CYP4V2: variants seen among roughly 807,000 people sequenced by gnomAD.
CYP4V2 encodes the protein cytochrome P450 family 4 subfamily V member 2.
CYP4V2 carries 55 observed loss-of-function variants against 60.8 expected under a neutral mutation model. The ratio of observed to expected loss-of-function variants is 0.90; its 90% CI spans 0.73 to 1.13. The LOEUF (loss-of-function observed/expected upper bound fraction) is 1.13. Ranked by LOEUF, CYP4V2 falls within the 50% of genes most tolerant of loss-of-function variation. The pLI is 0.00. For missense variants in CYP4V2, 675 were observed against 662.9 expected (o/e 1.02, Z -0.20); for synonymous variants, 239 against 236.8 (o/e 1.01, Z -0.08).
intron 1 of CYP4V2, among the ~76,000 whole-genome samples, chr4:186,193,772 A>G (rs1162815174): frequency 1.3e-5 from 2 of 152,220 alleles, no homozygotes; most frequent in Non-Finnish European, 2.9e-5. Context: ...GTTCCCAAGA[A>G]TCTTGTCTTT....
At chr4:186,201,680 G>A in intron 7 of CYP4V2, 1 of 264,690 alleles carries the variant, frequency 3.8e-6, no homozygotes, top group Non-Finnish European at 7.3e-6. Context: ...TCCCAGACAT[G>A]CAAGTCCACT....
intron 10 of CYP4V2, among the ~76,000 whole-genome samples, chr4:186,209,749 G>A (rs1736647965): frequency 6.6e-6 from 1 of 152,158 alleles, no homozygotes; most frequent in Non-Finnish European, 1.5e-5. Context: ...TCGATTACCT[G>A]TCTCCAAATA....
chr4:186,193,985 C>T (rs1736067866), intron 1 of CYP4V2, among the ~76,000 whole-genome samples: 1 of 152,224 alleles, frequency 6.6e-6, no homozygotes, highest in Non-Finnish European at 1.5e-5. Context: ...ATTGAGACCT[C>T]CCTGTCCCCT....
intron 1 of CYP4V2, among the ~76,000 whole-genome samples, chr4:186,193,960 G>A (rs547261780): frequency 6.6e-6 from 1 of 152,330 alleles, no homozygotes; most frequent in Non-Finnish European, 1.5e-5. Flanking sequence ...TGGACCTGCT[G>A]CCTTAGAACC....
intron 8 of CYP4V2, among the ~76,000 whole-genome samples, chr4:186,206,030 C>T (rs569646277): frequency 5.3e-5 from 8 of 152,296 alleles, no homozygotes; most frequent in African/African-American, 1.9e-4. Flanking sequence ...TCATTGAGCC[C>T]ACATCACCAT....
At chr4:186,197,208 A>G in intron 4 of CYP4V2, 78 bp downstream of exon 4, 1 of 1,531,906 alleles carries the variant, frequency 6.5e-7, no homozygotes, top group Non-Finnish European at 9.0e-7. Context: ...CTCCACCGGG[A>G]AGGCAAATGG....
rs750635260 is a variant in CYP4V2, at chr4:186,201,315, A to T, written c.960A>T (p.Arg320=). The T allele has an allele frequency of 2.5e-6, 4 of 1,614,086 alleles. No individual in the cohort carries two copies. The East Asian group carries it at 6.7e-5, about 27-fold the overall frequency. The change falls in exon 7 of 11, where the codon CGA becomes CGT. Residue 320 remains arginine (R), a synonymous_variant. Transcript: ENST00000378802. ...EGNRLSHEDI[R]EEVDTFMFEG... ...ACAGGCTAAGTCATGAAGATATTCG[A>T]GAAGAAGTTGACACCTTCATGTTTG...
At chr4:186,197,715 A>C in intron 5 of CYP4V2, 113 bp downstream of exon 5, 1 of 1,129,248 alleles carries the variant, frequency 8.9e-7, no homozygotes, top group Non-Finnish European at 1.3e-6. Context: ...TAAACATTAA[A>C]CTAGAAGTTA....
At chr4:186,205,025 G>A in intron 7 of CYP4V2, 175 bp from the exon 8 acceptor site, 1 of 686,462 alleles carries the variant, frequency 1.5e-6, no homozygotes, top group South Asian at 1.7e-5. Flanking sequence ...CCTCCGCTTT[G>A]CAGGCTTGTT....
chr4:186,210,720 A>C lies in CYP4V2; in HGVS notation c.*79A>C. ...CCTTGTCATTTACAATTTACAGATCATGAGTTCAATATGCTTGAATCCCCT... is the reference window on the plus strand; with the variant it reads ...CCTTGTCATTTACAATTTACAGATCCTGAGTTCAATATGCTTGAATCCCCT... On this transcript the variant is annotated 3_prime_UTR_variant, in exon 11 of 11. Coordinates refer to ENST00000378802, the MANE Select transcript of CYP4V2 (RefSeq NM_207352.4). 1.3e-6 allele frequency: 2 copies of C among 1,563,026 alleles called. No individual in the cohort carries two copies. Among genetic ancestry groups the C allele is most frequent in the Non-Finnish European group, 1.8e-6 (2 of 1,142,590 alleles).
Position 186,194,490 on chromosome 4 carries a change from T to C in CYP4V2, c.215-10T>C. 1 of 1,611,994 alleles carries C rather than the reference T, an allele frequency of 6.2e-7. No homozygotes were observed. The highest frequency in any genetic ancestry group is 8.5e-7 in the Non-Finnish European group (1 of 1,178,056). On this transcript the variant is annotated splice_polypyrimidine_tract_variant and intron_variant, in intron 1 of 10. Coordinates refer to ENST00000378802, the MANE Select transcript of CYP4V2 (RefSeq NM_207352.4). ...CTTGATTGAATTTCAAATTTGATGT[T>C]TTTCCCCAGAATTTTTTCAGCAGAT...
chr4:186,211,659 A>T lies in CYP4V2; in HGVS notation c.*1018A>T, dbSNP rs1303796234. ...GGTATTCATGGTGACTCAGGAATAC[A>T]CACATACACACACACACACACACAC... On this transcript the variant is annotated 3_prime_UTR_variant, in exon 11 of 11. Coordinates refer to ENST00000378802, the MANE Select transcript of CYP4V2 (RefSeq NM_207352.4). The T allele has an allele frequency of 1.2e-5, 1 of 80,034 alleles. No individual in the cohort carries two copies. Among genetic ancestry groups the T allele is most frequent in the Non-Finnish European group, 2.5e-5 (1 of 40,320 alleles). 5.0% of individuals were successfully genotyped at this position (80,034 alleles called of 1,614,324 possible).
intron 1 of CYP4V2, among the ~76,000 whole-genome samples, chr4:186,193,203 G>T (rs962969122): frequency 1.3e-5 from 2 of 152,018 alleles, no homozygotes; most frequent in Non-Finnish European, 1.5e-5. Flanking sequence ...AAGGCTTTAT[G>T]GTATTAAAAA....
chr4:186,196,018 T>A lies in CYP4V2; in HGVS notation c.343T>A (p.Ser115Thr), dbSNP rs756675453. The A allele has an allele frequency of 1.9e-6, 3 of 1,613,722 alleles. No homozygotes were observed. In the Admixed American group the frequency reaches 5.0e-5, roughly 27 times the overall value. Residue 115 changes from serine (S) to threonine (T), a missense_variant, in exon 3 of 11, where the codon TCA becomes ACA. By Grantham distance (58) the Ser-to-Thr change is moderately conservative. Coordinates refer to ENST00000378802, the MANE Select transcript of CYP4V2 (RefSeq NM_207352.4). Reference protein sequence around the residue: ...AENVEVILTSSKQIDKSSMYK... With the variant: ...AENVEVILTSTKQIDKSSMYK... The stretch of plus-strand genomic sequence containing the variant: ...TCTTCCTAAGGTAATTTTAACTAGT[T>A]CAAAGCAAATTGACAAATCCTCTAT...
chr4:186,202,630 T>C (rs6552962), intron 7 of CYP4V2: 118,388 of 151,798 alleles, frequency 0.78, 46,293 homozygotes, highest in Non-Finnish European at 0.81. Flanking sequence ...ATGCACACAC[T>C]TACACACACA....
At chr4:186,207,398 C>T (rs1218570142) in intron 8 of CYP4V2, among the ~76,000 whole-genome samples, 3 of 114,296 alleles carry the variant, frequency 2.6e-5, no homozygotes, top group African/African-American at 1.0e-4. Flanking sequence ...GGCAGCAGAG[C>T]AAGACTCTGT....
intron 5 of CYP4V2, among the ~76,000 whole-genome samples, chr4:186,198,567 A>C (rs1260479268): frequency 1.3e-5 from 2 of 152,196 alleles, no homozygotes; most frequent in African/African-American, 4.8e-5. Flanking sequence ...GAGGGCAGCC[A>C]GTTGTCTTCT....
rs541790077 is a variant in CYP4V2 at position 186,192,702 on chromosome 4, G to C, written c.214+665G>C. On this transcript the variant is annotated intron_variant, in intron 1 of 10. Coordinates refer to ENST00000378802, the MANE Select transcript of CYP4V2 (RefSeq NM_207352.4). ...CATTTTATTGATGGAAAAAAATCAC[G>C]TTAAGTTAGAAAGCTCTCAAAAGTA... 4.6e-5 allele frequency among the ~76,000 whole-genome samples: 7 copies of C among 152,234 alleles called. No individual in the cohort carries two copies. The South Asian group carries it at 1.5e-3, about 32-fold the overall frequency.
At chr4:186,202,765 CAAACAT>C (rs1429117773) in intron 7 of CYP4V2, 1 of 94,512 alleles carries the variant, frequency 1.1e-5, no homozygotes, top group Admixed American at 8.8e-5. Flanking sequence ...CATGCACACA[CAAACAT>C]ATGTATATCC....
Sources: allele counts gnomAD v4.1 joint callset (sites outside exome capture counted in the v4.1 genomes callset), GRCh38; gene constraint gnomAD v4.1.1; transcripts MANE v1.5; gene names NCBI Gene and HGNC (gene_info 2026-07-23, HGNC 2026-07-21).